Variants in ATP8A1 observed in about 807,000 individuals in gnomAD.
ATP8A1 encodes the protein phospholipid-transporting ATPase IA.
ATP8A1 carries 90 observed loss-of-function variants against 177.7 expected under a neutral mutation model. The ratio of observed to expected loss-of-function variants is 0.51; its 90% CI spans 0.43 to 0.60. The LOEUF (loss-of-function observed/expected upper bound fraction) is 0.60, where lower values mean the gene tolerates loss of function less well. Among genes scored for constraint, ATP8A1 ranks in the 20% least tolerant of loss-of-function variants. The pLI, the probability that ATP8A1 is intolerant of heterozygous loss-of-function variation, is 0.00. For synonymous variants in ATP8A1, 493 were observed against 485.9 expected, an observed-to-expected ratio of 1.01 and a Z score of -0.19; for missense variants, 1,072 against 1,392.8, an observed-to-expected ratio of 0.77 and a Z score of 3.67.
chr4:42,503,096 T>C (rs1258750696), intron 24 of ATP8A1, among the ~76,000 whole-genome samples: 13 of 152,244 alleles, frequency 8.5e-5, no homozygotes, highest in Non-Finnish European at 1.8e-4. Context: ...AAAATATATA[T>C]GAATACTGGA....
Position 42,586,391 on chromosome 4 carries a change from T to G in ATP8A1, c.680A>C (p.His227Pro), listed in dbSNP as rs1409409759. 6.2e-7 allele frequency: 1 copy of G among 1,614,158 alleles called. No individual in the cohort carries two copies. The change falls in exon 9 of 37, where the codon CAT (histidine) becomes CCT (proline). Residue 227 changes from histidine to proline, a missense_variant. By Grantham distance (77) the His-to-Pro change is moderately conservative (BLOSUM62 -2). Coordinates refer to ENST00000381668, the MANE Select transcript of ATP8A1 (RefSeq NM_006095.2). ...GRIECESPNR[H>P]LYDFVGNIRL... The stretch of plus-strand genomic sequence containing the variant: ...TATGTTTCCAACAAAATCGTAGAGA[T>G]GTCTGTTTGGACTTTCACACTCAAT...
chr4:42,636,220 A>G (rs951317450), intron 1 of ATP8A1, among the ~76,000 whole-genome samples: 1 of 147,440 alleles, frequency 6.8e-6, no homozygotes. Context: ...AATAATTAAG[A>G]TGTTTGTATT....
Position 42,528,415 on chromosome 4 carries a change from C to A in ATP8A1, c.1723-3568G>T, listed in dbSNP as rs568095513. Among the ~76,000 whole-genome samples the A allele has an allele frequency of 1.5e-3, 222 of 152,264 alleles. 1 individual carries two copies. The highest frequency in any genetic ancestry group is 2.4e-3 in the Non-Finnish European group (166 of 68,022). On this transcript the variant is annotated intron_variant, in intron 20 of 36. Transcript: ENST00000381668. The stretch of plus-strand genomic sequence containing the variant: ...AAAGACGCAGGGGTGGTGATTCCCA[C>A]CACATCCCCATTCAACTCTCCCATC...
intron 5 of ATP8A1, among the ~76,000 whole-genome samples, chr4:42,611,070 C>T (rs185491284): frequency 3.9e-5 from 6 of 152,162 alleles, no homozygotes; most frequent in African/African-American, 4.8e-5. Flanking sequence ...CTTAACAACC[C>T]GCAACACATT....
chr4:42,575,693 C>A lies in ATP8A1; in HGVS notation c.1135G>T (p.Asp379Tyr). The A allele has an allele frequency of 6.2e-7, 1 of 1,612,492 alleles. No homozygotes were observed. Among genetic ancestry groups the A allele is most frequent in the South Asian group, 1.1e-5 (1 of 90,866 alleles). Residue 379 changes from aspartate to tyrosine, a missense_variant, in exon 13 of 37, where the codon GAC becomes TAC. Transcript: ENST00000381668. ...GTGTCTGTGGGTTCATAGTGCATGTCAAGATCCTTTAATAAAATTAAGTAA... is the reference window on the plus strand; with the variant it reads ...GTGTCTGTGGGTTCATAGTGCATGTAAAGATCCTTTAATAAAATTAAGTAA... The part of the protein sequence containing the change: ...TQAYFINWDL[D>Y]MHYEPTDTAA...
intron 15 of ATP8A1, among the ~76,000 whole-genome samples, chr4:42,556,940 CAA>C (rs1281254214): frequency 6.6e-6 from 1 of 152,108 alleles, no homozygotes; most frequent in Non-Finnish European, 1.5e-5. Context: ...TAACAGGTTA[CAA>C]AGAGTATTAT....
intron 24 of ATP8A1, among the ~76,000 whole-genome samples, chr4:42,496,788 A>T (rs2153191830): frequency 1.8e-5 from 2 of 108,256 alleles, no homozygotes; most frequent in Non-Finnish European, 3.8e-5. Context: ...ACACATACAC[A>T]TATATGCACA....
intron 27 of ATP8A1, among the ~76,000 whole-genome samples, chr4:42,463,844 A>G (rs114184006): frequency 1.0e-3 from 159 of 152,310 alleles, no homozygotes; most frequent in African/African-American, 3.7e-3. Flanking sequence ...GGAAACAAAA[A>G]CAGATCTGGA....
At chr4:42,478,801 T>C (rs1456590722) in intron 25 of ATP8A1, among the ~76,000 whole-genome samples, 2 of 152,224 alleles carry the variant, frequency 1.3e-5, no homozygotes, top group African/African-American at 4.8e-5. Flanking sequence ...TGACACCTCA[T>C]TGTAAAACAA....
chr4:42,494,496 G>C (rs976473506), intron 24 of ATP8A1, among the ~76,000 whole-genome samples: 6 of 152,116 alleles, frequency 3.9e-5, no homozygotes, highest in African/African-American at 1.4e-4. Flanking sequence ...ATAATTTTAA[G>C]TTTTCTTATG....
At chr4:42,553,794 C>G (rs17447640) in intron 16 of ATP8A1, among the ~76,000 whole-genome samples, 21,169 of 152,056 alleles carry the variant, frequency 0.14, 1,602 homozygotes, top group East Asian at 0.24. Flanking sequence ...TTACTTATAG[C>G]AAGACAAGCA....
intron 19 of ATP8A1, among the ~76,000 whole-genome samples, chr4:42,547,992 C>T (rs1391189321): frequency 6.6e-6 from 1 of 152,202 alleles, no homozygotes; most frequent in Non-Finnish European, 1.5e-5. Flanking sequence ...AAAGACCCTG[C>T]AGCAAGGGCC....
chr4:42,483,360 A>G (rs1721879414), intron 25 of ATP8A1, among the ~76,000 whole-genome samples: 1 of 147,698 alleles, frequency 6.8e-6, no homozygotes, highest in South Asian at 2.2e-4. Flanking sequence ...AAAGCTGAGG[A>G]AAGATATGTG....
intron 16 of ATP8A1, among the ~76,000 whole-genome samples, chr4:42,555,147 TATCTATCTATCTATC>T (rs1577577685): frequency 1.3e-4 from 10 of 74,532 alleles, no homozygotes; most frequent in East Asian, 1.1e-3. Context: ...CTAATCTATC[TATCTATCTATCTATC>T]TATCTATCTA....
At chr4:42,630,602 T>C (rs1055260372) in intron 1 of ATP8A1, among the ~76,000 whole-genome samples, 1 of 152,204 alleles carries the variant, frequency 6.6e-6, no homozygotes, top group African/African-American at 2.4e-5. Context: ...TTGGTATCTC[T>C]CTCAGCTTTT....
At chr4:42,513,036 T>C (rs1290555687) in intron 22 of ATP8A1, among the ~76,000 whole-genome samples, 4 of 152,218 alleles carry the variant, frequency 2.6e-5, no homozygotes, top group African/African-American at 9.7e-5. Flanking sequence ...AGTAAAGCTT[T>C]ATTTACAAAT....
intron 20 of ATP8A1, among the ~76,000 whole-genome samples, chr4:42,542,354 CA>C (rs1728482069): frequency 6.6e-6 from 1 of 151,960 alleles, no homozygotes; most frequent in Non-Finnish European, 1.5e-5. Flanking sequence ...CCAAACTATA[CA>C]AGAAAGGATG....
At chr4:42,421,652 G>A (rs1157825503) in intron 35 of ATP8A1, among the ~76,000 whole-genome samples, 4 of 152,080 alleles carry the variant, frequency 2.6e-5, no homozygotes, top group African/African-American at 7.2e-5. Flanking sequence ...CATAATGAGA[G>A]CAAGAGAGCT....
At chr4:42,629,976 AG>A (rs1421307214) in intron 1 of ATP8A1, among the ~76,000 whole-genome samples, 20 of 152,256 alleles carry the variant, frequency 1.3e-4, no homozygotes, top group African/African-American at 4.6e-4. Context: ...TGAGGAAGGT[AG>A]GTAGCAATTT....
Sources: allele counts gnomAD v4.1 joint callset (sites outside exome capture counted in the v4.1 genomes callset), GRCh38; gene constraint gnomAD v4.1.1; transcripts MANE v1.5; gene names NCBI Gene and HGNC (gene_info 2026-07-23, HGNC 2026-07-21).